Variants in PLXDC2 observed in about 807,000 individuals in gnomAD.
PLXDC2 encodes the protein plexin domain-containing protein 2.
A neutral mutation model predicts 68.9 loss-of-function variants in PLXDC2; 40 were observed. The observed-to-expected ratio is 0.58, with a 90% confidence interval of 0.45 to 0.76. The LOEUF (loss-of-function observed/expected upper bound fraction) is 0.76, where lower values mean the gene tolerates loss of function less well. PLXDC2 is among the 30% of genes least tolerant of loss of function. The pLI is 0.00. For missense variants in PLXDC2, 644 were observed against 661.9 expected (o/e 0.97, Z 0.30); for synonymous variants, 243 against 234.2 (o/e 1.04, Z -0.34).
intron 1 of PLXDC2, among the ~76,000 whole-genome samples, chr10:19,843,828 G>A (rs1015661506): frequency 2.0e-5 from 3 of 152,160 alleles, no homozygotes; most frequent in Non-Finnish European, 4.4e-5. Context: ...TAAACATACA[G>A]TTTGATAGAA....
chr10:20,243,905 A>G (rs1835553308), intron 12 of PLXDC2, among the ~76,000 whole-genome samples: 1 of 152,048 alleles, frequency 6.6e-6, no homozygotes, highest in African/African-American at 2.4e-5. Context: ...CTAAAAATGC[A>G]AAAATTAGCC....
At chr10:20,002,326 C>T (rs1179637380) in intron 2 of PLXDC2, among the ~76,000 whole-genome samples, 1 of 149,532 alleles carries the variant, frequency 6.7e-6, no homozygotes, top group South Asian at 2.1e-4. Flanking sequence ...GTGGCACAAT[C>T]TCAGCTCACT....
intron 13 of PLXDC2, among the ~76,000 whole-genome samples, chr10:20,257,624 C>T (rs1835758345): frequency 6.6e-6 from 1 of 152,136 alleles, no homozygotes; most frequent in Admixed American, 6.5e-5. Flanking sequence ...CTCAGGTTTA[C>T]CTTTAGTGGA....
chr10:19,922,496 T>C (rs7075937), intron 1 of PLXDC2, among the ~76,000 whole-genome samples: 31,545 of 152,098 alleles, frequency 0.21, 3,505 homozygotes, highest in Admixed American at 0.27. Context: ...CTATGAGTCA[T>C]GATTCCACTT....
At chr10:20,192,517 G>T (rs1029915733) in intron 9 of PLXDC2, among the ~76,000 whole-genome samples, 2 of 152,014 alleles carry the variant, frequency 1.3e-5, no homozygotes, top group Non-Finnish European at 2.9e-5. Flanking sequence ...ATGACAAAAT[G>T]ATTTCTGAAT....
chr10:19,857,445 A>G (rs1837235838), intron 1 of PLXDC2, among the ~76,000 whole-genome samples: 1 of 152,222 alleles, frequency 6.6e-6, no homozygotes, highest in Non-Finnish European at 1.5e-5. Context: ...ATAGAAATGA[A>G]TCATTTATAT....
chr10:20,117,044 T>C (rs1244858684), intron 4 of PLXDC2, among the ~76,000 whole-genome samples: 1 of 110,390 alleles, frequency 9.1e-6, no homozygotes, highest in Non-Finnish European at 1.7e-5. Flanking sequence ...CTAAATCCCT[T>C]AAAAATGAAA....
chr10:20,172,664 G>C (rs1386291085), intron 7 of PLXDC2, among the ~76,000 whole-genome samples: 2 of 152,106 alleles, frequency 1.3e-5, no homozygotes, highest in Admixed American at 1.3e-4. Context: ...TCAAAGGAAG[G>C]CAGGAAATGC....
intron 12 of PLXDC2, among the ~76,000 whole-genome samples, chr10:20,244,293 C>G (rs1192734729): frequency 6.6e-6 from 1 of 152,068 alleles, no homozygotes; most frequent in Admixed American, 6.6e-5. Context: ...AAAGAGAAGA[C>G]TTTAGAGATT....
At chr10:20,261,701 A>G (rs909165784) in intron 13 of PLXDC2, among the ~76,000 whole-genome samples, 1 of 152,090 alleles carries the variant, frequency 6.6e-6, no homozygotes, top group Non-Finnish European at 1.5e-5. Flanking sequence ...CTGAAAATAC[A>G]AAATTATCCG....
intron 4 of PLXDC2, among the ~76,000 whole-genome samples, chr10:20,091,392 C>G (rs1833274280): frequency 1.3e-5 from 2 of 152,170 alleles, no homozygotes; most frequent in Non-Finnish European, 2.9e-5. Flanking sequence ...CTAAATCTTC[C>G]TCTAATGCAA....
chr10:20,195,177 G>A (rs188471121), intron 9 of PLXDC2, among the ~76,000 whole-genome samples: 17 of 152,082 alleles, frequency 1.1e-4, no homozygotes, highest in South Asian at 2.1e-4. Context: ...ATCACCTTGG[G>A]TGCAGCCTGT....
intron 7 of PLXDC2, among the ~76,000 whole-genome samples, chr10:20,167,114 G>T (rs919596409): frequency 3.9e-5 from 6 of 152,190 alleles, no homozygotes; most frequent in South Asian, 2.1e-4. Context: ...TGAAAGATTT[G>T]GGTCTCGAGT....
intron 2 of PLXDC2, among the ~76,000 whole-genome samples, chr10:20,032,608 T>G (rs1341618497): frequency 3.3e-5 from 5 of 152,100 alleles, no homozygotes; most frequent in Non-Finnish European, 5.9e-5. Flanking sequence ...AGTGTGATTG[T>G]TTTTTGAGAT....
intron 4 of PLXDC2, among the ~76,000 whole-genome samples, chr10:20,078,023 T>C (rs1235634161): frequency 3.3e-5 from 5 of 152,200 alleles, no homozygotes; most frequent in African/African-American, 1.2e-4. Context: ...AACACAACTA[T>C]TTTTCAAATC....
chr10:19,900,401 G>T (rs1411330977), intron 1 of PLXDC2, among the ~76,000 whole-genome samples: 1 of 151,986 alleles, frequency 6.6e-6, no homozygotes, highest in Non-Finnish European at 1.5e-5. Context: ...ACAGTTACAG[G>T]ATTCTCAATG....
chr10:19,974,890 G>T (rs977257228), intron 1 of PLXDC2, among the ~76,000 whole-genome samples: 1 of 152,158 alleles, frequency 6.6e-6, no homozygotes, highest in Non-Finnish European at 1.5e-5. Flanking sequence ...AAGGCAGCTT[G>T]TTGAAGGACC....
At chr10:19,967,152 C>G (rs541247044) in intron 1 of PLXDC2, among the ~76,000 whole-genome samples, 1 of 152,320 alleles carries the variant, frequency 6.6e-6, no homozygotes, top group South Asian at 2.1e-4. Context: ...GTGTAACATA[C>G]ATGCTTTGGT....
intron 1 of PLXDC2, among the ~76,000 whole-genome samples, chr10:19,832,602 A>G (rs1205447247): frequency 1.3e-5 from 2 of 152,228 alleles, no homozygotes. Flanking sequence ...CCACCAGGGT[A>G]ACTTCAGTTG....
Sources: gnomAD v4.1 joint callset for allele counts (sites outside exome capture counted in the v4.1 genomes callset) on GRCh38, gnomAD v4.1.1 for gene constraint, MANE v1.5 for transcripts, NCBI Gene and HGNC (gene_info 2026-07-23, HGNC 2026-07-21) for gene names.